Variants in ANKS1B observed in about 807,000 individuals in gnomAD.
ANKS1B encodes ankyrin repeat and sterile alpha motif domain-containing protein 1B.
ANKS1B carries 36 observed loss-of-function variants against 148.3 expected under a neutral mutation model. The ratio of observed to expected loss-of-function variants is 0.24; its 90% CI spans 0.19 to 0.32. The LOEUF (loss-of-function observed/expected upper bound fraction) is 0.32. Among genes scored for constraint, ANKS1B ranks in the 10% least tolerant of loss-of-function variants. The probability of loss-of-function intolerance (pLI) is 1.00; values close to 1 mark genes in which losing one functional copy is unlikely to be tolerated. For synonymous variants in ANKS1B, 542 were observed against 560.8 expected, an observed-to-expected ratio of 0.97 and a Z score of 0.47; for missense variants, 1,157 against 1,542.6, an observed-to-expected ratio of 0.75 and a Z score of 4.19.
chr12:99,498,744 A>C (rs1414060581), intron 10 of ANKS1B, among the ~76,000 whole-genome samples: 1 of 152,160 alleles, frequency 6.6e-6, no homozygotes, highest in Non-Finnish European at 1.5e-5. Context: ...TTTACCCACC[A>C]AGATCAATTT....
chr12:99,361,720 T>G (rs2092476672), intron 12 of ANKS1B, among the ~76,000 whole-genome samples: 1 of 152,078 alleles, frequency 6.6e-6, no homozygotes, highest in African/African-American at 2.4e-5. Context: ...TCAAATTGAT[T>G]GAATAAATGT....
At chr12:99,379,045 G>C (rs1026049547) in intron 12 of ANKS1B, among the ~76,000 whole-genome samples, 1 of 152,162 alleles carries the variant, frequency 6.6e-6, no homozygotes, top group Non-Finnish European at 1.5e-5. Flanking sequence ...GCACCAAGAG[G>C]AACAGTACTT....
At chr12:99,959,804 G>A (rs2095383430) in intron 1 of ANKS1B, among the ~76,000 whole-genome samples, 1 of 152,090 alleles carries the variant, frequency 6.6e-6, no homozygotes, top group Admixed American at 6.6e-5. Context: ...AAAACCCCAA[G>A]AGCAATATAC....
At chr12:99,501,113 C>A (rs1400216197) in intron 10 of ANKS1B, among the ~76,000 whole-genome samples, 1 of 151,492 alleles carries the variant, frequency 6.6e-6, no homozygotes, top group Non-Finnish European at 1.5e-5. Flanking sequence ...CTCCAATATG[C>A]TAGGTCATTT....
At chr12:99,167,750 T>A (rs528047872) in intron 14 of ANKS1B, among the ~76,000 whole-genome samples, 15 of 151,414 alleles carry the variant, frequency 9.9e-5, no homozygotes, top group African/African-American at 3.7e-4. Context: ...TGTATAGGCA[T>A]GTTTACAGCA....
intron 9 of ANKS1B, among the ~76,000 whole-genome samples, chr12:99,530,279 C>T (rs2373012): frequency 0.43 from 65,543 of 151,962 alleles, 14,522 homozygotes; most frequent in South Asian, 0.54. Context: ...CCTACTCCTA[C>T]ACTCTAGAAC....
intron 11 of ANKS1B, among the ~76,000 whole-genome samples, chr12:99,403,305 C>T (rs1319986572): frequency 7.1e-6 from 1 of 141,804 alleles, no homozygotes; most frequent in Non-Finnish European, 1.5e-5. Flanking sequence ...TACAGGCAAG[C>T]ATTACCATGT....
At chr12:99,898,741 TAAG>T (rs920787232) in intron 1 of ANKS1B, among the ~76,000 whole-genome samples, 27 of 152,152 alleles carry the variant, frequency 1.8e-4, no homozygotes, top group African/African-American at 6.3e-4. Context: ...GACTTTGATA[TAAG>T]AAGGCAGGAG....
At chr12:99,533,085 G>C (rs1026624164) in intron 9 of ANKS1B, among the ~76,000 whole-genome samples, 1 of 152,038 alleles carries the variant, frequency 6.6e-6, no homozygotes, top group African/African-American at 2.4e-5. Flanking sequence ...TATTTTGATA[G>C]GAATTGTATT....
intron 10 of ANKS1B, among the ~76,000 whole-genome samples, chr12:99,465,776 C>T (rs1052366982): frequency 1.3e-5 from 2 of 152,248 alleles, no homozygotes; most frequent in African/African-American, 4.8e-5. Context: ...AATACAGGAG[C>T]ACCCAGATTC....
At chr12:99,916,473 C>T (rs2094174639) in intron 1 of ANKS1B, among the ~76,000 whole-genome samples, 1 of 152,132 alleles carries the variant, frequency 6.6e-6, no homozygotes, top group Non-Finnish European at 1.5e-5. Context: ...CAATGGGTCT[C>T]CAGACCCACC....
chr12:99,460,872 G>T (rs994669396), intron 10 of ANKS1B, among the ~76,000 whole-genome samples: 1 of 152,000 alleles, frequency 6.6e-6, no homozygotes, highest in South Asian at 2.1e-4. Flanking sequence ...TCTACCATTT[G>T]ATCCAACAAT....
chr12:99,397,742 A>T (rs1281380314), intron 12 of ANKS1B, among the ~76,000 whole-genome samples: 1 of 152,160 alleles, frequency 6.6e-6, no homozygotes, highest in African/African-American at 2.4e-5. Context: ...TAAAATGCCT[A>T]AAACAGTTCC....
intron 9 of ANKS1B, among the ~76,000 whole-genome samples, chr12:99,617,861 T>G (rs1393019251): frequency 2.0e-5 from 3 of 152,058 alleles, no homozygotes; most frequent in African/African-American, 7.2e-5. Flanking sequence ...AGATACACAC[T>G]TAATACAATC....
chr12:99,739,540 C>T (rs368537699), intron 8 of ANKS1B, among the ~76,000 whole-genome samples: 12 of 152,046 alleles, frequency 7.9e-5, no homozygotes, highest in East Asian at 3.9e-4. Context: ...GACAGGCCTT[C>T]GTAGAATTTT....
intron 9 of ANKS1B, among the ~76,000 whole-genome samples, chr12:99,555,180 G>A (rs951936200): frequency 1.3e-5 from 2 of 152,072 alleles, no homozygotes; most frequent in Non-Finnish European, 2.9e-5. Flanking sequence ...ACCCAATAAT[G>A]GAATTACTGC....
At position 99,095,842 on chromosome 12, in the gene ANKS1B, T is replaced by C. The variant is rs139623388; in HGVS notation, c.2527-10819A>G. Among the ~76,000 whole-genome samples, 377 of 152,332 alleles carry C rather than the reference T, an allele frequency of 2.5e-3. 1 individual carries two copies. Among genetic ancestry groups the C allele is most frequent in the African/African-American group, 8.1e-3 (338 of 41,578 alleles). ...GTGTCAATTATAGCATTGCCTCTTC[T>C]CATTTTGACTTAACGTTGTGAATTT... On this transcript the variant is annotated intron_variant, in intron 15 of 26. Coordinates refer to ENST00000683438, the MANE Select transcript of ANKS1B (RefSeq NM_001352186.2).
chr12:99,530,560 T>C lies in ANKS1B; in HGVS notation c.1273-25919A>G, dbSNP rs571410390. Among the ~76,000 whole-genome samples the C allele has an allele frequency of 1.2e-4, 18 of 152,302 alleles. No homozygotes were observed. In the South Asian group the frequency reaches 3.7e-3, roughly 32 times the overall value. On this transcript the variant is annotated intron_variant, in intron 9 of 26. Transcript: ENST00000683438. ...AACTGCAACAGGTAAGTTGTACCACTGTATTAAAAAAATCAGCAAAAAGCA... is the reference window on the plus strand; with the variant it reads ...AACTGCAACAGGTAAGTTGTACCACCGTATTAAAAAAATCAGCAAAAAGCA...
At chr12:99,765,964 T>G (rs540379094) in intron 8 of ANKS1B, among the ~76,000 whole-genome samples, 1 of 152,244 alleles carries the variant, frequency 6.6e-6, no homozygotes, top group East Asian at 1.9e-4. Flanking sequence ...ACCAAATCTG[T>G]AGGACTCACA....
Sources: gnomAD v4.1 joint callset for allele counts (sites outside exome capture counted in the v4.1 genomes callset) on GRCh38, gnomAD v4.1.1 for gene constraint, MANE v1.5 for transcripts, NCBI Gene and HGNC (gene_info 2026-07-23, HGNC 2026-07-21) for gene names.